PCDH7: variants seen among roughly 807,000 people sequenced by gnomAD.
PCDH7 encodes the protein protocadherin-7.
In PCDH7, 17 loss-of-function variants were observed where a neutral mutation model predicts 58.9. That is an observed-to-expected ratio of 0.29 (90% CI 0.20 to 0.43). The LOEUF is 0.43. PCDH7 is among the 20% of genes least tolerant of loss of function. PCDH7 has a pLI of 1.00. For synonymous variants in PCDH7, 664 were observed against 616.4 expected (o/e 1.08, Z -1.14); for missense variants, 1,274 against 1,441.0 (o/e 0.88, Z 1.88).
intron 1 of PCDH7, among the ~76,000 whole-genome samples, chr4:30,788,435 T>C (rs1287604819): frequency 6.6e-6 from 1 of 152,126 alleles, no homozygotes; most frequent in African/African-American, 2.4e-5. Flanking sequence ...GTTAGTACCC[T>C]ATCTGTAATA....
In PCDH7 at chr4:31,141,962, G is replaced by A. The variant is rs115802676; in HGVS notation, c.*8-511G>A. Among the ~76,000 whole-genome samples the A allele has an allele frequency of 5.4e-3, 826 of 152,224 alleles. 7 individuals carry two copies. The highest frequency in any genetic ancestry group is 0.019 in the African/African-American group (773 of 41,552). On this transcript the variant is annotated intron_variant, in intron 3 of 3. Coordinates refer to the PCDH7 transcript ENST00000509759. ...AGGTTCTACTTATGAGTCACCCCATGTCTTAGAATGTATTTTAAATATAAG... is the reference window on the plus strand; with the variant it reads ...AGGTTCTACTTATGAGTCACCCCATATCTTAGAATGTATTTTAAATATAAG...
intron 3 of PCDH7, among the ~76,000 whole-genome samples, chr4:31,138,688 TA>T: frequency 6.6e-6 from 1 of 152,304 alleles, no homozygotes; most frequent in Admixed American, 6.5e-5. Context: ...GATTGTTTGC[TA>T]GTTTGATGGC....
chr4:30,822,956 GA>G lies in PCDH7; in HGVS notation c.71-97190del, dbSNP rs533581281. Reference sequence around the variant, plus strand: ...GCGTTTTATATGTGAGTAAGAACGGGAAAAAAAGTAAGCATTAAATAGCAAA... The same window carrying G: ...GCGTTTTATATGTGAGTAAGAACGGGAAAAAAGTAAGCATTAAATAGCAAA... On this transcript the variant is annotated intron_variant, in intron 1 of 3. Coordinates refer to the PCDH7 transcript ENST00000509759. Among the ~76,000 whole-genome samples, 143 of 152,074 alleles carry G rather than the reference GA, an allele frequency of 9.4e-4. 1 individual carries two copies. In the South Asian group the frequency reaches 0.025, roughly 26 times the overall value.
chr4:31,114,636 C>CAA (rs1475875073), intron 3 of PCDH7, among the ~76,000 whole-genome samples: 1 of 139,078 alleles, frequency 7.2e-6, no homozygotes, highest in African/African-American at 2.8e-5. Flanking sequence ...CATACAAACA[C>CAA]ACACACACAC....
rs572210168 is a variant in PCDH7, at chr4:31,109,817, C to T, written c.*8-32656C>T. Among the ~76,000 whole-genome samples, 15 of 152,330 alleles carry T rather than the reference C, an allele frequency of 9.8e-5. No individual in the cohort carries two copies. The South Asian group carries it at 3.1e-3, about 32-fold the overall frequency. ...ACAATGCCATTGGTACATTTCAGTA[C>T]TTCACCTGATGCTGATAATCTAAGC... On this transcript the variant is annotated intron_variant, in intron 3 of 3. Coordinates refer to the PCDH7 transcript ENST00000509759.
chr4:31,064,759 C>T (rs909459095), intron 3 of PCDH7, among the ~76,000 whole-genome samples: 16 of 151,914 alleles, frequency 1.1e-4, no homozygotes, highest in Admixed American at 1.1e-3. Flanking sequence ...AGCTAATTAC[C>T]TCAGCAAAGT....
chr4:30,731,452 A>G (rs1280113874), exon 2 of PCDH7: 1 of 152,046 alleles, frequency 6.6e-6, no homozygotes, highest in Non-Finnish European at 1.5e-5. Context: ...TATATTTATA[A>G]TGGGCACTGT....
intron 2 of PCDH7, among the ~76,000 whole-genome samples, chr4:30,948,465 T>A (rs1333182373): frequency 6.6e-6 from 1 of 152,078 alleles, no homozygotes; most frequent in Non-Finnish European, 1.5e-5. Flanking sequence ...GTACAAAAAA[T>A]TAGGTTTAAT....
At chr4:30,987,547 AT>A (rs1452549813) in intron 3 of PCDH7, 1 of 151,998 alleles carries the variant, frequency 6.6e-6, no homozygotes, top group Admixed American at 6.6e-5. Context: ...GTATAATAGT[AT>A]TTTTCTCACC....
chr4:30,799,665 G>T (rs1725272079), intron 1 of PCDH7, among the ~76,000 whole-genome samples: 1 of 152,090 alleles, frequency 6.6e-6, no homozygotes, highest in Non-Finnish European at 1.5e-5. Context: ...TACTCATGAT[G>T]TGACAAATTT....
At chr4:31,077,114 A>G (rs1759064085) in intron 3 of PCDH7, among the ~76,000 whole-genome samples, 1 of 152,204 alleles carries the variant, frequency 6.6e-6, no homozygotes. Flanking sequence ...GGTATTATGC[A>G]TATTTAAAAA....
At chr4:30,782,350 C>A (rs1356437376) in intron 1 of PCDH7, among the ~76,000 whole-genome samples, 1 of 151,976 alleles carries the variant, frequency 6.6e-6, no homozygotes, top group African/African-American at 2.4e-5. Context: ...TGATTTGAGC[C>A]CTAATTCTAC....
At chr4:30,972,100 G>A (rs182056537) in intron 3 of PCDH7, among the ~76,000 whole-genome samples, 1 of 152,222 alleles carries the variant, frequency 6.6e-6, no homozygotes, top group East Asian at 1.9e-4. Flanking sequence ...ATATTAAATG[G>A]CAGTCATATC....
intron 1 of PCDH7, chr4:30,786,730 G>T (rs866949797): frequency 1.0e-6 from 1 of 981,616 alleles, no homozygotes; most frequent in East Asian, 1.1e-4. Context: ...TTTATAGGTG[G>T]ATACAGTGCA....
intron 3 of PCDH7, among the ~76,000 whole-genome samples, chr4:31,034,892 C>T (rs1245850677): frequency 6.6e-6 from 1 of 152,190 alleles, no homozygotes; most frequent in African/African-American, 2.4e-5. Context: ...ATCACTCTTT[C>T]AAATGGTAAT....
intron 3 of PCDH7, among the ~76,000 whole-genome samples, chr4:31,105,032 G>A (rs1034185771): frequency 9.9e-5 from 15 of 152,256 alleles, no homozygotes; most frequent in Admixed American, 3.3e-4. Context: ...TAATAAAATG[G>A]AAAACGGCTT....
chr4:30,869,355 T>C (rs1419241100), intron 1 of PCDH7, among the ~76,000 whole-genome samples: 1 of 152,156 alleles, frequency 6.6e-6, no homozygotes, highest in Non-Finnish European at 1.5e-5. Flanking sequence ...TACATAGGTA[T>C]ACACGTGCCA....
rs151099956 is a variant in PCDH7 at position 30,925,118 on chromosome 4, A to C, written c.287+4749A>C. Among the ~76,000 whole-genome samples the C allele has an allele frequency of 2.0e-5, 3 of 152,098 alleles. No individual in the cohort carries two copies. In the South Asian group the frequency reaches 6.2e-4, roughly 32 times the overall value. ...TAAGCTCAACTGTTTGATTCATTCC[A>C]TTTCCTTCATCTCTTCATTCTACAT... On this transcript the variant is annotated intron_variant, in intron 2 of 3. Coordinates refer to the PCDH7 transcript ENST00000509759.
At chr4:30,926,471 A>G (rs1743888550) in intron 2 of PCDH7, among the ~76,000 whole-genome samples, 1 of 152,238 alleles carries the variant, frequency 6.6e-6, no homozygotes, top group African/African-American at 2.4e-5. Flanking sequence ...GGCGTGAGCC[A>G]CCACACCCAG....
Sources: gnomAD v4.1 joint callset for allele counts (sites outside exome capture counted in the v4.1 genomes callset) on GRCh38, gnomAD v4.1.1 for gene constraint, MANE v1.5 for transcripts, NCBI Gene and HGNC (gene_info 2026-07-23, HGNC 2026-07-21) for gene names.